Variants in IGF2BP3 observed in about 807,000 individuals in gnomAD.
IGF2BP3 encodes the protein insulin like growth factor 2 mRNA binding protein 3, also known as insulin-like growth factor 2 mRNA-binding protein 3.
IGF2BP3 carries 9 observed loss-of-function variants against 73.8 expected under a neutral mutation model. The ratio of observed to expected loss-of-function variants is 0.12; its 90% CI spans 0.07 to 0.21. IGF2BP3 has a LOEUF of 0.21. Among genes scored for constraint, IGF2BP3 ranks in the 10% least tolerant of loss-of-function variants. The pLI is 1.00. For synonymous variants in IGF2BP3, 258 were observed against 256.7 expected (o/e 1.01, Z -0.05); for missense variants, 542 against 714.0 (o/e 0.76, Z 2.75).
At chr7:23,409,239 AC>A (rs966605559) in intron 3 of IGF2BP3, among the ~76,000 whole-genome samples, 1 of 152,142 alleles carries the variant, frequency 6.6e-6, no homozygotes, top group African/African-American at 2.4e-5. Context: ...GGGGTTAGGG[AC>A]CCCTGTGCTA....
intron 2 of IGF2BP3, among the ~76,000 whole-genome samples, chr7:23,452,869 T>G (rs1021116034): frequency 2.0e-5 from 3 of 149,094 alleles, no homozygotes; most frequent in Non-Finnish European, 4.4e-5. Flanking sequence ...ATCCCAGCAC[T>G]TTGGGAGGCC....
intron 10 of IGF2BP3, among the ~76,000 whole-genome samples, chr7:23,336,915 T>G (rs1447849464): frequency 6.7e-6 from 1 of 149,176 alleles, no homozygotes; most frequent in South Asian, 2.1e-4. Context: ...GCCACCACAC[T>G]CCACCCTGGG....
chr7:23,381,753 G>C (rs1002676332), intron 3 of IGF2BP3, among the ~76,000 whole-genome samples: 6 of 152,124 alleles, frequency 3.9e-5, no homozygotes, highest in South Asian at 2.1e-4. Context: ...ATTTTTAGTA[G>C]AGATGGGGTT....
chr7:23,349,719 T>C (rs1024649006), intron 6 of IGF2BP3, among the ~76,000 whole-genome samples: 10 of 152,176 alleles, frequency 6.6e-5, no homozygotes, highest in African/African-American at 2.4e-4. Context: ...TCATCGGATA[T>C]AACAAAAATT....
At chr7:23,423,063 C>G (rs1787395776) in intron 2 of IGF2BP3, among the ~76,000 whole-genome samples, 1 of 152,246 alleles carries the variant, frequency 6.6e-6, no homozygotes, top group South Asian at 2.1e-4. Context: ...GCGTGAGCCG[C>G]TGCGCCCAGC....
chr7:23,342,969 T>C (rs1784748294), intron 9 of IGF2BP3, among the ~76,000 whole-genome samples: 2 of 152,180 alleles, frequency 1.3e-5, no homozygotes, highest in Admixed American at 6.5e-5. Flanking sequence ...TTTGCACATT[T>C]CCCTCGTCTC....
chr7:23,458,570 C>T (rs570546015), intron 2 of IGF2BP3, among the ~76,000 whole-genome samples: 4 of 152,176 alleles, frequency 2.6e-5, no homozygotes, highest in African/African-American at 7.2e-5. Flanking sequence ...GAGACAAAGC[C>T]GTGACATCTA....
chr7:23,470,135 AAAT>A lies in IGF2BP3; in HGVS notation c.-28_-26del. ...TTGTGAAGAGTGGTTGTTTAAAAAA[AAAT>A]AACGAGAAAAAACGAAAAATTAAAA... is the stretch of plus-strand genomic sequence containing the variant. On this transcript the variant is annotated 5_prime_UTR_variant, in exon 1 of 15. Transcript: ENST00000258729. 1 of 1,564,424 alleles carries A rather than the reference AAAT, an allele frequency of 6.4e-7. No homozygotes were observed. Among genetic ancestry groups the A allele is most frequent in the Non-Finnish European group, 8.6e-7 (1 of 1,156,556 alleles).
Position 23,342,135 on chromosome 7 carries a change from G to C in IGF2BP3, c.1132C>G (p.Pro378Ala). ...GTGGGAGGTGGCATCCCTGAAGTGG[G>C]TGGGAACAGACCCAAGGCGTTCAGA... Reference protein sequence around the residue: ...LNLNALGLFPPTSGMPPPTSG... With the variant: ...LNLNALGLFPATSGMPPPTSG... Residue 378 changes from proline (P) to alanine (A), a missense_variant, in exon 10 of 15, where the codon CCC becomes GCC. This residue lies in a region of IGF2BP3 where 303 missense variants were observed against 472.1 expected (regional missense o/e 0.64). Transcript: ENST00000258729. 1 of 1,613,326 alleles carries C rather than the reference G, an allele frequency of 6.2e-7. No homozygotes were observed. The highest frequency in any genetic ancestry group is 8.5e-7 in the Non-Finnish European group (1 of 1,179,748).
At chr7:23,316,294 T>C (rs1783985290) in intron 12 of IGF2BP3, among the ~76,000 whole-genome samples, 1 of 152,142 alleles carries the variant, frequency 6.6e-6, no homozygotes, top group Non-Finnish European at 1.5e-5. Context: ...TCAAAGAAAG[T>C]GATTTTTTTT....
At chr7:23,420,627 C>T (rs1006714361) in intron 2 of IGF2BP3, among the ~76,000 whole-genome samples, 4 of 152,146 alleles carry the variant, frequency 2.6e-5, no homozygotes, top group African/African-American at 9.7e-5. Context: ...TAGTTTAGTC[C>T]TTTGCCTCTT....
At chr7:23,377,412 A>G (rs1376183725) in intron 3 of IGF2BP3, among the ~76,000 whole-genome samples, 1 of 152,232 alleles carries the variant, frequency 6.6e-6, no homozygotes, top group Non-Finnish European at 1.5e-5. Context: ...ACAGAAATCA[A>G]ACTAAAGTGA....
At chr7:23,327,444 C>A (rs997884171) in intron 10 of IGF2BP3, among the ~76,000 whole-genome samples, 4 of 151,978 alleles carry the variant, frequency 2.6e-5, no homozygotes, top group Non-Finnish European at 5.9e-5. Flanking sequence ...TCACGCCCGG[C>A]TAATTTTTTT....
chr7:23,391,936 G>A (rs555716127), intron 3 of IGF2BP3, among the ~76,000 whole-genome samples: 1 of 152,266 alleles, frequency 6.6e-6, no homozygotes, highest in Admixed American at 6.5e-5. Context: ...GAAACAATAA[G>A]TAAATTGCTA....
intron 12 of IGF2BP3, among the ~76,000 whole-genome samples, chr7:23,316,555 A>G (rs988952296): frequency 1.3e-5 from 2 of 151,816 alleles, no homozygotes; most frequent in South Asian, 2.1e-4. Context: ...CATGCCTGTA[A>G]TCCCAGCTAC....
At chr7:23,420,402 C>T (rs1418254241) in intron 2 of IGF2BP3, among the ~76,000 whole-genome samples, 1 of 151,930 alleles carries the variant, frequency 6.6e-6, no homozygotes, top group Admixed American at 6.6e-5. Flanking sequence ...TGCTTGAGAC[C>T]AGGAGTTCAA....
At chr7:23,366,716 T>C (rs1156303709) in intron 3 of IGF2BP3, among the ~76,000 whole-genome samples, 1 of 152,142 alleles carries the variant, frequency 6.6e-6, no homozygotes, top group Non-Finnish European at 1.5e-5. Context: ...CTTTGATGTC[T>C]TACTCAAAGT....
intron 2 of IGF2BP3, among the ~76,000 whole-genome samples, chr7:23,444,604 A>G (rs1788013177): frequency 6.6e-6 from 1 of 151,926 alleles, no homozygotes; most frequent in Admixed American, 6.6e-5. Flanking sequence ...TTAGCTGAGC[A>G]TGGTGGTAAG....
chr7:23,470,203 C>T lies in IGF2BP3; in HGVS notation c.-93G>A, dbSNP rs1460617128. The T allele has an allele frequency of 3.0e-6, 3 of 1,015,368 alleles. No individual in the cohort carries two copies. Among genetic ancestry groups the T allele is most frequent in the South Asian group, 3.4e-5 (2 of 59,184 alleles). The allele number at this position is 1,015,368 out of a possible 1,614,324, so 62.9% of individuals were successfully genotyped here. A position where few individuals can be genotyped will look rare whatever the true frequency, so the allele number is the denominator to read the frequency against. ...GGATGGATCCAGCTGGTTTTGTTCC[C>T]CTCGTCTTCTCGCCTTTAAAATACA... On this transcript the variant is annotated 5_prime_UTR_variant, in exon 1 of 15. Transcript: ENST00000258729.
Sources: gnomAD v4.1 joint callset for allele counts (sites outside exome capture counted in the v4.1 genomes callset) on GRCh38, gnomAD v4.1.1 for gene constraint, gnomAD v4.1.1 regional missense constraint, MANE v1.5 for transcripts, NCBI Gene and HGNC (gene_info 2026-07-23, HGNC 2026-07-21) for gene names.